Variants in CLN6 observed in about 807,000 individuals in gnomAD.
CLN6 encodes the protein CLN6 transmembrane ER protein, also known as ceroid-lipofuscinosis neuronal protein 6.
A neutral mutation model predicts 33.3 loss-of-function variants in CLN6; 22 were observed. The observed-to-expected ratio is 0.66, with a 90% CI of 0.47 to 0.94. The LOEUF is 0.94. Among genes scored for constraint, CLN6 ranks in the 40% least tolerant of loss-of-function variants. CLN6 has a pLI of 0.00. For missense variants in CLN6, 387 were observed against 417.1 expected, an observed-to-expected ratio of 0.93 and a Z score of 0.63; for synonymous variants, 201 against 174.6, an observed-to-expected ratio of 1.15 and a Z score of -1.19.
intron 1 of CLN6, among the ~76,000 whole-genome samples, chr15:68,245,042 A>AAAG (rs1181769356): frequency 2.6e-5 from 4 of 151,270 alleles, no homozygotes; most frequent in African/African-American, 9.7e-5. Context: ...CAAAAAAAAA[A>AAAG]AAAAAAAAGA....
At chr15:68,229,277 G>A (rs915159778) in intron 1 of CLN6, among the ~76,000 whole-genome samples, 4 of 148,892 alleles carry the variant, frequency 2.7e-5, no homozygotes, top group African/African-American at 9.7e-5. Context: ...ACGGCGAAGC[G>A]GGGAGGCCGA....
At position 68,256,854 on chromosome 15, in the gene CLN6, G is replaced by A. The variant is rs966800098; in HGVS notation, c.15C>T (p.Ala5=). Residue 5 remains alanine, a synonymous_variant, in exon 1 of 7, where the codon GCC becomes GCT. Transcript: ENST00000538696. This position sits in a 1 kb window ranked among gnomAD's most constrained non-coding sequence, Gnocchi z 4.1. ...TGCCTCTCGCTCGCCGCTCCTTCCCGGCAACGGCTGCCATTTTCCGCCCAG... is the reference window on the plus strand; with the variant it reads ...TGCCTCTCGCTCGCCGCTCCTTCCCAGCAACGGCTGCCATTTTCCGCCCAG... 2.9e-6 allele frequency: 2 copies of A among 694,204 alleles called. No individual in the cohort carries two copies. The highest frequency in any genetic ancestry group is 2.6e-6 in the Non-Finnish European group (1 of 381,120). 43.0% of individuals were successfully genotyped at this position (694,204 alleles called of 1,614,324 possible).
Position 68,247,460 on chromosome 15 carries a change from A to C in CLN6, c.179+9230T>G, listed in dbSNP as rs551401518. 6.6e-6 allele frequency among the ~76,000 whole-genome samples: 1 copy of C among 152,226 alleles called. No homozygotes were observed. The highest frequency in any genetic ancestry group is 2.4e-5 in the African/African-American group (1 of 41,498). On this transcript the variant is annotated intron_variant, in intron 1 of 6. Coordinates refer to the CLN6 transcript ENST00000538696. This position sits in a 1 kb window ranked among gnomAD's most constrained non-coding sequence, Gnocchi z 4.2. The stretch of plus-strand genomic sequence containing the variant: ...ACAACAACAACAAAACCTAGGAATA[A>C]ATTTAACCGAAGAGGAGAAAGATCT...
chr15:68,229,110 G>A (rs577509622), intron 1 of CLN6, among the ~76,000 whole-genome samples: 6 of 152,218 alleles, frequency 3.9e-5, no homozygotes, highest in African/African-American at 1.4e-4. Context: ...CCCGGAACTT[G>A]CGGATAAGTT....
chr15:68,224,007 T>C (rs548976498), intron 1 of CLN6, among the ~76,000 whole-genome samples: 3 of 151,192 alleles, frequency 2.0e-5, no homozygotes, highest in Non-Finnish European at 3.0e-5. Context: ...GATCACGCCA[T>C]TGCACTCCAG....
Position 68,211,912 on chromosome 15 carries a change from A to G in CLN6, c.298-49T>C. ...AGCATGACCCCACCTCTGTCACAGT[A>G]TGTGACACCCTCTGCTTCCCCCCTC... On this transcript the variant is annotated intron_variant, in intron 3 of 6. Transcript: ENST00000249806. The surrounding 1 kb of genome is among the most constrained non-coding windows in gnomAD (Gnocchi z 5.9). 7 of 1,552,390 alleles carry G rather than the reference A, an allele frequency of 4.5e-6. No individual in the cohort carries two copies. Among genetic ancestry groups the G allele is most frequent in the Non-Finnish European group, 6.2e-6 (7 of 1,127,294 alleles).
chr15:68,240,503 A>G (rs1333726533), intron 1 of CLN6, among the ~76,000 whole-genome samples: 1 of 152,122 alleles, frequency 6.6e-6, no homozygotes, highest in Non-Finnish European at 1.5e-5. Context: ...TGGGAAGCTG[A>G]GGCAGAAGGA....
chr15:68,209,170 A>C lies in CLN6; in HGVS notation c.665+467T>G, dbSNP rs1283548429. Among the ~76,000 whole-genome samples the C allele has an allele frequency of 2.0e-5, 3 of 152,164 alleles. No homozygotes were observed. The highest frequency in any genetic ancestry group is 6.5e-5 in the Admixed American group (1 of 15,274). On this transcript the variant is annotated intron_variant, in intron 6 of 6. Coordinates refer to ENST00000249806, the MANE Select transcript of CLN6 (RefSeq NM_017882.3). This position sits in a 1 kb window ranked among gnomAD's most constrained non-coding sequence, Gnocchi z 4.9. ...AAGCCCCTACGCCATGAAACCCCCC[A>C]GTCTGGCCTCGCCATAGTGCTTTAC...
At chr15:68,217,195 T>C (rs995641173) in intron 2 of CLN6, among the ~76,000 whole-genome samples, 3 of 152,240 alleles carry the variant, frequency 2.0e-5, no homozygotes, top group Non-Finnish European at 4.4e-5. Flanking sequence ...AGTTGTTACT[T>C]ATGAATTATT....
chr15:68,226,716 C>A (rs1350779102), intron 1 of CLN6, among the ~76,000 whole-genome samples: 2 of 152,110 alleles, frequency 1.3e-5, no homozygotes, highest in Admixed American at 1.3e-4. Flanking sequence ...CCGCCCATCT[C>A]GGCCTCCCAA....
chr15:68,215,600 G>C (rs898963936), intron 2 of CLN6: 6 of 152,002 alleles, frequency 3.9e-5, no homozygotes, highest in African/African-American at 1.5e-4. Context: ...ACCTCCCAAA[G>C]TGCTGGCATT....
chr15:68,218,775 T>C (rs1228221752), intron 1 of CLN6, 125 bp from the exon 2 acceptor site: 1 of 706,482 alleles, frequency 1.4e-6, no homozygotes, highest in African/African-American at 1.8e-5. Context: ...AATTGAGTTC[T>C]ATGGATAGGG....
In CLN6 at chr15:68,208,909, G is replaced by A. The variant is rs534277248; in HGVS notation, c.666-499C>T. On this transcript the variant is annotated intron_variant, in intron 6 of 6. Transcript: ENST00000249806. This position sits in a 1 kb window ranked among gnomAD's most constrained non-coding sequence, Gnocchi z 5.8. ...ATCTCAGCCACATAGGGGACAGGCC[G>A]GGGAGAGGATCTAGAGCTGGCCCAG... Among the ~76,000 whole-genome samples the A allele has an allele frequency of 2.3e-4, 35 of 152,316 alleles. No homozygotes were observed. The highest frequency in any genetic ancestry group is 4.3e-4 in the African/African-American group (18 of 41,580).
chr15:68,248,348 AC>A (rs1309619617), intron 1 of CLN6: 3 of 151,780 alleles, frequency 2.0e-5, no homozygotes, highest in African/African-American at 4.8e-5. Context: ...TAAATCAAAG[AC>A]TTACATCTAA....
upstream of CLN6, among the ~76,000 whole-genome samples, chr15:68,231,667 G>A (rs991358071): frequency 6.6e-6 from 1 of 152,384 alleles, no homozygotes; most frequent in East Asian, 1.9e-4. Context: ...GAGGCCGTGT[G>A]GAGGGAGCCT....
chr15:68,235,587 AATATATAT>A (rs59823320), intron 1 of CLN6, among the ~76,000 whole-genome samples: 1 of 95,106 alleles, frequency 1.1e-5, no homozygotes, highest in African/African-American at 4.6e-5. Flanking sequence ...AATAAAAATA[AATATATAT>A]ATATATATAT....
At position 68,253,963 on chromosome 15, in the gene CLN6, C is replaced by T. The variant is rs555992572; in HGVS notation, c.179+2727G>A. 2.0e-5 allele frequency among the ~76,000 whole-genome samples: 3 copies of T among 151,840 alleles called. No individual in the cohort carries two copies. The East Asian group carries it at 5.8e-4, about 29-fold the overall frequency. ...GCTTGCAGTGGCTCACTGCAAGCTC[C>T]GCCTCCCGGGTTCACGCCAATCTCC... On this transcript the variant is annotated intron_variant, in intron 1 of 6. Transcript: ENST00000538696.
intron 1 of CLN6, among the ~76,000 whole-genome samples, chr15:68,251,007 C>T (rs1892373329): frequency 6.7e-6 from 1 of 149,244 alleles, no homozygotes; most frequent in Non-Finnish European, 1.5e-5. Context: ...ACCAGAATCT[C>T]TGATGAACAT....
Position 68,225,651 on chromosome 15 carries a change from T to C in CLN6, c.83+3851A>G, listed in dbSNP as rs193056133. Reference sequence around the variant, plus strand: ...AAAGGCATGTGCTGTCACACATGGCTAATTTTTAAAATTTTTCCTTTTTTC... The same window carrying C: ...AAAGGCATGTGCTGTCACACATGGCCAATTTTTAAAATTTTTCCTTTTTTC... On this transcript the variant is annotated intron_variant, in intron 1 of 6. Coordinates refer to ENST00000249806, the MANE Select transcript of CLN6 (RefSeq NM_017882.3). 2.1e-3 allele frequency among the ~76,000 whole-genome samples: 326 copies of C among 152,328 alleles called. 2 individuals are homozygous for C. The highest frequency in any genetic ancestry group is 7.3e-3 in the African/African-American group (304 of 41,570).
Sources: gnomAD v4.1 joint callset for allele counts (sites outside exome capture counted in the v4.1 genomes callset) on GRCh38, gnomAD v4.1.1 for gene constraint, Gnocchi (gnomAD v3.1) non-coding constraint, MANE v1.5 for transcripts, NCBI Gene and HGNC (gene_info 2026-07-23, HGNC 2026-07-21) for gene names.